FAAP20: variants seen among roughly 807,000 people sequenced by gnomAD.
FAAP20 encodes FA core complex associated protein 20.
A neutral mutation model predicts 16.2 loss-of-function variants in FAAP20; 12 were observed. The ratio of observed to expected loss-of-function variants is 0.74; its 90% CI spans 0.48 to 1.20. The LOEUF (loss-of-function observed/expected upper bound fraction) is 1.20. Ranked by LOEUF, FAAP20 falls within the 50% of genes most tolerant of loss-of-function variation. The pLI, the probability that FAAP20 is intolerant of heterozygous loss-of-function variation, is 0.00. For missense variants in FAAP20, 288 were observed against 245.8 expected (o/e 1.17, Z -1.15); for synonymous variants, 141 against 110.7 (o/e 1.27, Z -1.72).
At chr1:2,204,216 C>T (rs922889132), upstream of FAAP20, among the ~76,000 whole-genome samples, 7 of 152,246 alleles carry the variant, frequency 4.6e-5, no homozygotes, top group African/African-American at 1.2e-4. Flanking sequence ...CCCGCGTGTG[C>T]GGCCAGTGTC....
chr1:2,190,815 G>T, intron 3 of FAAP20: 1 of 232,106 alleles, frequency 4.3e-6, no homozygotes, highest in South Asian at 5.1e-5. Context: ...CCACCTGTCA[G>T]CCACACCGCC....
upstream of FAAP20, among the ~76,000 whole-genome samples, chr1:2,202,119 C>T (rs1164365802): frequency 1.3e-5 from 2 of 152,190 alleles, no homozygotes; most frequent in Admixed American, 1.3e-4. Context: ...CCCCTGGGTG[C>T]TCCCTCAGGG....
upstream of FAAP20, chr1:2,203,466 G>C: frequency 1.0e-6 from 1 of 985,790 alleles, no homozygotes; most frequent in Non-Finnish European, 1.2e-6. Context: ...CTCCAGCTCA[G>C]TCCAGCACAG....
chr1:2,196,918 T>TG (rs35849351), upstream of FAAP20, among the ~76,000 whole-genome samples: 3 of 150,432 alleles, frequency 2.0e-5, no homozygotes, highest in African/African-American at 7.4e-5. This position sits in a 1 kb window ranked among gnomAD's most constrained non-coding sequence, Gnocchi z 4.5. Flanking sequence ...CTGGGGGTGG[T>TG]GGGGGGTGTT....
chr1:2,211,945 C>T (rs1488002550), downstream of FAAP20, among the ~76,000 whole-genome samples: 1 of 145,384 alleles, frequency 6.9e-6, no homozygotes, highest in Non-Finnish European at 1.5e-5. Context: ...CTTTGTCGCC[C>T]AGGCTGGAGT....
At position 2,193,889 on chromosome 1, in the gene FAAP20, G is replaced by A. The variant is rs778200109; in HGVS notation, c.220C>T (p.Pro74Ser). Residue 74 changes from proline to serine, a missense_variant, in exon 3 of 4, where the codon CCC (proline) becomes TCC (serine). Transcript: ENST00000378546. Reference protein sequence around the residue: ...PGQEPRCGPEPTEVFTVGPKT... With the variant: ...PGQEPRCGPESTEVFTVGPKT... ...GGTCCGACAGTGAAGACTTCAGTGG[G>A]CTCCGGGCCGCACCTGGGCTCCTGC... The A allele has an allele frequency of 5.0e-6, 8 of 1,612,168 alleles. No homozygotes were observed. The South Asian group carries it at 6.6e-5, about 13-fold the overall frequency.
At chr1:2,206,197 A>G (rs1427554230) in intron 3 of FAAP20, 1 of 152,358 alleles carries the variant, frequency 6.6e-6, no homozygotes, top group Non-Finnish European at 1.5e-5. Flanking sequence ...AGCGTGAAGG[A>G]GGAAGAGAGG....
At chr1:2,188,195 G>A (rs993661228), downstream of FAAP20, among the ~76,000 whole-genome samples, 15 of 152,212 alleles carry the variant, frequency 9.9e-5, no homozygotes, top group African/African-American at 3.6e-4. Flanking sequence ...AGAACCTGGG[G>A]GCTGAACAGC....
intron 3 of FAAP20, among the ~76,000 whole-genome samples, chr1:2,205,527 G>A (rs1215886533): frequency 6.6e-6 from 1 of 152,054 alleles, no homozygotes; most frequent in Non-Finnish European, 1.5e-5. Flanking sequence ...GGGCGGCCGT[G>A]CAAGAGGCGT....
At chr1:2,212,123 G>A (rs1188910583), downstream of FAAP20, 1 of 151,638 alleles carries the variant, frequency 6.6e-6, no homozygotes, top group Non-Finnish European at 1.5e-5. Context: ...TAGCCAGGTT[G>A]GTCTCGATCT....
chr1:2,191,527 C>G (rs1688223418), intron 3 of FAAP20: 1 of 152,468 alleles, frequency 6.6e-6, no homozygotes, highest in Non-Finnish European at 1.5e-5. Context: ...ACGGGCGGAT[C>G]ACCTGAGATC....
At chr1:2,195,525 C>T (rs560497258), upstream of FAAP20, among the ~76,000 whole-genome samples, 5 of 152,266 alleles carry the variant, frequency 3.3e-5, no homozygotes, top group Non-Finnish European at 7.3e-5. Context: ...CCTCGCCAGA[C>T]GCCACTCAGG....
At chr1:2,199,352 C>G, upstream of FAAP20, 7 of 1,036,080 alleles carry the variant, frequency 6.8e-6, no homozygotes, top group Non-Finnish European at 8.2e-6. The surrounding 1 kb of genome is among the most constrained non-coding windows in gnomAD (Gnocchi z 4.5). Context: ...TTTATCAGCC[C>G]CAGATCCTGC....
chr1:2,197,887 C>T, upstream of FAAP20: 1 of 1,100,714 alleles, frequency 9.1e-7, no homozygotes, highest in Non-Finnish European at 1.2e-6. Context: ...GAAGCCTGAC[C>T]CCCAATCCCC....
upstream of FAAP20, among the ~76,000 whole-genome samples, chr1:2,204,768 C>T (rs1351390579): frequency 6.6e-6 from 1 of 152,150 alleles, no homozygotes; most frequent in Admixed American, 6.5e-5. Context: ...GAGCTGCAGG[C>T]TCAGCCAGCC....
chr1:2,204,440 G>A (rs1156471293), upstream of FAAP20, among the ~76,000 whole-genome samples: 1 of 152,260 alleles, frequency 6.6e-6, no homozygotes, highest in Non-Finnish European at 1.5e-5. Flanking sequence ...CACATAATGA[G>A]AGCCTTTGGC....
At chr1:2,202,486 C>G (rs1189930334), upstream of FAAP20, among the ~76,000 whole-genome samples, 1 of 152,062 alleles carries the variant, frequency 6.6e-6, no homozygotes, top group African/African-American at 2.4e-5. Context: ...TTTATTGAGA[C>G]AGAGTCTCCC....
At chr1:2,198,012 C>T (rs1208207819), upstream of FAAP20, 2 of 1,290,044 alleles carry the variant, frequency 1.6e-6, no homozygotes, top group African/African-American at 3.0e-5. Flanking sequence ...CATACCTTGT[C>T]CTGCCTGTCC....
chr1:2,197,378 G>GA (rs35613376), upstream of FAAP20, among the ~76,000 whole-genome samples: 11,498 of 152,310 alleles, frequency 0.075, 513 homozygotes, highest in Middle Eastern at 0.11. Context: ...GGTCTCAAGT[G>GA]ACCCAGACCC....
Sources: gnomAD v4.1 joint callset for allele counts (sites outside exome capture counted in the v4.1 genomes callset) on GRCh38, gnomAD v4.1.1 for gene constraint, Gnocchi (gnomAD v3.1) non-coding constraint, MANE v1.5 for transcripts, NCBI Gene and HGNC (gene_info 2026-07-23, HGNC 2026-07-21) for gene names.